The following FREM2 variants were observed in gnomAD, a reference collection of about 807,000 sequenced individuals.
FREM2 encodes the protein FRAS1 related extracellular matrix 2.
A neutral mutation model predicts 219.9 loss-of-function variants in FREM2; 119 were observed. The observed-to-expected ratio is 0.54, with a 90% confidence interval of 0.47 to 0.63. The LOEUF is 0.63. Ranked by LOEUF, FREM2 falls within the 30% of genes least tolerant of loss-of-function variation. The pLI, the probability that FREM2 is intolerant of heterozygous loss-of-function variation, is 0.00. For synonymous variants in FREM2, 1,562 were observed against 1,522.8 expected (o/e 1.03, Z -0.60); for missense variants, 4,030 against 3,993.6 (o/e 1.01, Z -0.25).
intron 14 of FREM2, among the ~76,000 whole-genome samples, chr13:38,860,564 C>T (rs898639768): frequency 6.6e-6 from 1 of 152,160 alleles, no homozygotes; most frequent in African/African-American, 2.4e-5. Context: ...TAAAATGATT[C>T]TCTCTTTTAA....
chr13:38,760,369 G>A (rs1593390312), intron 2 of FREM2, among the ~76,000 whole-genome samples: 2 of 152,274 alleles, frequency 1.3e-5, no homozygotes, highest in East Asian at 3.9e-4. Context: ...CAGTAACCTG[G>A]CAACTTCGTC....
At chr13:38,701,817 C>T (rs1029794962) in intron 2 of FREM2, among the ~76,000 whole-genome samples, 5 of 152,008 alleles carry the variant, frequency 3.3e-5, no homozygotes, top group Non-Finnish European at 4.4e-5. Flanking sequence ...ATGCTTTTCT[C>T]CCCAACTTTA....
intron 21 of FREM2, among the ~76,000 whole-genome samples, chr13:38,877,658 G>A (rs754098521): frequency 3.3e-5 from 5 of 152,018 alleles, no homozygotes; most frequent in Non-Finnish European, 5.9e-5. Context: ...CATGGTAGGG[G>A]TTCAATAATA....
intron 4 of FREM2, among the ~76,000 whole-genome samples, chr13:38,776,061 C>G (rs932034051): frequency 3.3e-5 from 5 of 152,114 alleles, no homozygotes; most frequent in Non-Finnish European, 7.4e-5. Context: ...TTTTTCAAGA[C>G]CCTGTAAAAA....
At chr13:38,738,836 T>C (rs2137777250) in intron 2 of FREM2, among the ~76,000 whole-genome samples, 1 of 152,168 alleles carries the variant, frequency 6.6e-6, no homozygotes, top group Non-Finnish European at 1.5e-5. Flanking sequence ...AATGAGACAT[T>C]CAGAAAGCCC....
At chr13:38,722,252 G>A (rs1490024917) in intron 2 of FREM2, among the ~76,000 whole-genome samples, 1 of 151,658 alleles carries the variant, frequency 6.6e-6, no homozygotes, top group Non-Finnish European at 1.5e-5. Context: ...CAGAGATGGG[G>A]GTTCCCTCTG....
intron 2 of FREM2, among the ~76,000 whole-genome samples, chr13:38,708,076 A>G (rs1490575084): frequency 6.6e-6 from 1 of 152,186 alleles, no homozygotes; most frequent in Admixed American, 6.5e-5. Context: ...AAATGACGTA[A>G]CAGATGTAAA....
intron 2 of FREM2, among the ~76,000 whole-genome samples, chr13:38,753,652 C>T (rs1358158443): frequency 6.6e-6 from 1 of 152,220 alleles, no homozygotes. Context: ...GTAATTTAGA[C>T]TCCAAATGAT....
At chr13:38,835,921 T>C (rs947255677) in intron 6 of FREM2, among the ~76,000 whole-genome samples, 1 of 152,210 alleles carries the variant, frequency 6.6e-6, no homozygotes, top group Non-Finnish European at 1.5e-5. Flanking sequence ...TCTTCCTATA[T>C]GAATACCTTT....
rs1028609276 is a variant in FREM2, at chr13:38,687,222, A to G, written c.-123A>G. ...ATCCTTCTGGCCCAGCCCCGGCTAC[A>G]GGAGGACCCCGCGGGCAACGCGCGG... On this transcript the variant is annotated 5_prime_UTR_variant, in exon 1 of 24. Coordinates refer to ENST00000280481, the MANE Select transcript of FREM2 (RefSeq NM_207361.6). 1.5e-6 allele frequency: 2 copies of G among 1,376,196 alleles called. No homozygotes were observed. Among genetic ancestry groups the G allele is most frequent in the African/African-American group, 1.4e-5 (1 of 69,654 alleles). 85.2% of individuals were successfully genotyped at this position (1,376,196 alleles called of 1,614,324 possible).
intron 2 of FREM2, among the ~76,000 whole-genome samples, chr13:38,711,908 A>AT: frequency 6.8e-6 from 1 of 147,400 alleles, no homozygotes; most frequent in African/African-American, 2.6e-5. Flanking sequence ...TGGGGCTGAT[A>AT]ATTTCTTTTT....
intron 6 of FREM2, among the ~76,000 whole-genome samples, chr13:38,818,086 GT>G (rs1224261479): frequency 2.0e-5 from 3 of 152,116 alleles, no homozygotes; most frequent in African/African-American, 4.8e-5. Flanking sequence ...TGTTGGTGAG[GT>G]TGTAAGCTAG....
chr13:38,734,738 C>CTTTTTTT (rs11314517), intron 2 of FREM2, among the ~76,000 whole-genome samples: 8 of 89,390 alleles, frequency 8.9e-5, no homozygotes, highest in Admixed American at 1.8e-4. Context: ...CAGTGCTATA[C>CTTTTTTT]TTTTTTTTTT....
In FREM2 at chr13:38,689,312, A is replaced by G; in HGVS notation, c.1968A>G (p.Arg656=). ...TAACAGAGGGCAGGCTGTTCTATAGACACTCTGGGCCCCATAGTCCTGGGC... is the reference window on the plus strand; with the variant it reads ...TAACAGAGGGCAGGCTGTTCTATAGGCACTCTGGGCCCCATAGTCCTGGGC... ...QDITEGRLFY[R]HSGPHSPGPV... Residue 656 remains arginine, a synonymous_variant, in exon 1 of 24, where the codon AGA becomes AGG. Transcript: ENST00000280481. 1 of 1,614,006 alleles carries G rather than the reference A, an allele frequency of 6.2e-7. No homozygotes were observed. Among genetic ancestry groups the G allele is most frequent in the Non-Finnish European group, 8.5e-7 (1 of 1,179,978 alleles).
At position 38,791,499 on chromosome 13, in the gene FREM2, G is replaced by A. The variant is rs893135797; in HGVS notation, c.6019+6691G>A. Among the ~76,000 whole-genome samples, 4 of 152,286 alleles carry A rather than the reference G, an allele frequency of 2.6e-5. No individual in the cohort carries two copies. In the South Asian group the frequency reaches 8.3e-4, roughly 32 times the overall value. ...AATGGATAATTTATAAAGAAGAGAG[G>A]TTTAATTGACTCACAGTTCCACATG... On this transcript the variant is annotated intron_variant, in intron 6 of 23. Coordinates refer to ENST00000280481, the MANE Select transcript of FREM2 (RefSeq NM_207361.6).
At chr13:38,870,421 C>A (rs1046393820) in intron 16 of FREM2, among the ~76,000 whole-genome samples, 6 of 152,124 alleles carry the variant, frequency 3.9e-5, no homozygotes, top group African/African-American at 1.4e-4. Flanking sequence ...TATGAAATCA[C>A]TCATTGTGTC....
chr13:38,867,452 T>G (rs1878009530), intron 16 of FREM2, among the ~76,000 whole-genome samples: 3 of 152,264 alleles, frequency 2.0e-5, no homozygotes, highest in Admixed American at 1.3e-4. Context: ...TAATACAATT[T>G]AATAAAACAT....
At chr13:38,857,309 T>G (rs528140308) in intron 12 of FREM2, among the ~76,000 whole-genome samples, 2 of 152,290 alleles carry the variant, frequency 1.3e-5, no homozygotes, top group South Asian at 4.1e-4. Flanking sequence ...TCTTGTCACC[T>G]TGCCCAGCAG....
At chr13:38,802,921 T>TCTCCCAG (rs1875075742) in intron 6 of FREM2, among the ~76,000 whole-genome samples, 1 of 152,132 alleles carries the variant, frequency 6.6e-6, no homozygotes, top group Non-Finnish European at 1.5e-5. Context: ...TGTGGGAGGT[T>TCTCCCAG]CTCCCAGCTC....
Sources: gnomAD v4.1 joint callset for allele counts (sites outside exome capture counted in the v4.1 genomes callset) on GRCh38, gnomAD v4.1.1 for gene constraint, MANE v1.5 for transcripts, NCBI Gene and HGNC (gene_info 2026-07-23, HGNC 2026-07-21) for gene names.